The following CALB1 variants were observed in gnomAD, a reference collection of about 807,000 sequenced individuals.
The protein encoded by CALB1 is calbindin 1, also known as calbindin.
CALB1 carries 16 observed loss-of-function variants against 46.7 expected under a neutral mutation model. The ratio of observed to expected loss-of-function variants is 0.34; its 90% CI spans 0.23 to 0.52. The LOEUF (loss-of-function observed/expected upper bound fraction) is 0.52. Among genes scored for constraint, CALB1 ranks in the 20% least tolerant of loss-of-function variants. The pLI, the probability that CALB1 is intolerant of heterozygous loss-of-function variation, is 0.95. For synonymous variants in CALB1, 90 were observed against 112.8 expected (o/e 0.80, Z 1.28); for missense variants, 224 against 300.3 (o/e 0.75, Z 1.88).
chr8:90,060,458 T>A (rs1814275461), intron 10 of CALB1, among the ~76,000 whole-genome samples, 171 bp downstream of exon 10: 2 of 152,350 alleles, frequency 1.3e-5, no homozygotes, highest in South Asian at 4.1e-4. Flanking sequence ...TTAAAATCTA[T>A]TTATCACAGT....
chr8:90,082,333 C>T (rs549062593), intron 1 of CALB1: 46 of 602,494 alleles, frequency 7.6e-5, no homozygotes, highest in African/African-American at 6.3e-4. Flanking sequence ...GCCACAGAAA[C>T]TTTGGGGGGG....
In CALB1 at chr8:90,082,044, C is replaced by T. The variant is rs759627520; in HGVS notation, c.138G>A (p.Ala46=). 1 of 1,613,842 alleles carries T rather than the reference C, an allele frequency of 6.2e-7. No individual in the cohort carries two copies. Among genetic ancestry groups the T allele is most frequent in the Non-Finnish European group, 8.5e-7 (1 of 1,179,922 alleles). Residue 46 remains alanine (A), a synonymous_variant, in exon 2 of 11, where the codon GCG becomes GCA. Transcript: ENST00000265431. The part of the protein sequence containing the change: ...LQNLIQELQQ[A]RKKAGLELSP... ...AACCTACCAATCCAGCCTTCTTTCGCGCCTGCTGGAGCTCCTGGATCAAGT... is the reference window on the plus strand; with the variant it reads ...AACCTACCAATCCAGCCTTCTTTCGTGCCTGCTGGAGCTCCTGGATCAAGT...
intron 3 of CALB1, among the ~76,000 whole-genome samples, chr8:90,074,266 C>G (rs1814582248): frequency 6.6e-6 from 1 of 151,918 alleles, no homozygotes; most frequent in South Asian, 2.1e-4. Context: ...TTACAGTGTG[C>G]CAGGGTCAAT....
intron 5 of CALB1, among the ~76,000 whole-genome samples, chr8:90,067,518 G>T (rs1814423702): frequency 6.6e-6 from 1 of 152,166 alleles, no homozygotes; most frequent in Non-Finnish European, 1.5e-5. Context: ...TTGCTGAGCT[G>T]CAAGTTTGTA....
In CALB1 at chr8:90,059,531, G is replaced by A. The variant is rs979378059; in HGVS notation, c.*642C>T. 1.3e-5 allele frequency: 2 copies of A among 152,316 alleles called. No homozygotes were observed. Among genetic ancestry groups the A allele is most frequent in the African/African-American group, 4.8e-5 (2 of 41,546 alleles). The allele number at this position is 152,316 out of a possible 1,614,324, so 9.4% of individuals were successfully genotyped here. A position where few individuals can be genotyped will look rare whatever the true frequency, so the allele number is the denominator to read the frequency against. On this transcript the variant is annotated 3_prime_UTR_variant, in exon 11 of 11. Coordinates refer to ENST00000265431, the MANE Select transcript of CALB1 (RefSeq NM_004929.4). ...TGTTGGAAATACAGGCATAGAATCA[G>A]ACAGATTTATGTGTCATCTGGTGCT...
At chr8:90,078,880 A>C (rs1814668359) in intron 2 of CALB1, among the ~76,000 whole-genome samples, 1 of 151,956 alleles carries the variant, frequency 6.6e-6, no homozygotes, top group African/African-American at 2.4e-5. Flanking sequence ...ATCTATGGAG[A>C]GTAATATATG....
At chr8:90,082,233 A>T (rs1814746316) in intron 1 of CALB1, 131 bp from the exon 2 acceptor site, 3 of 763,746 alleles carry the variant, frequency 3.9e-6, no homozygotes, top group South Asian at 3.2e-5. Context: ...TTAACCAGCA[A>T]AGTGTACAGA....
chr8:90,060,808 C>T, intron 9 of CALB1, 108 bp from the exon 10 acceptor site: 2 of 914,700 alleles, frequency 2.2e-6, no homozygotes, highest in Non-Finnish European at 3.5e-6. Flanking sequence ...CAACTGCATA[C>T]TTGGCAGATA....
At position 90,059,692 on chromosome 8, in the gene CALB1, T is replaced by C. The variant is rs1482528957; in HGVS notation, c.*481A>G. The C allele has an allele frequency of 1.3e-5, 2 of 153,650 alleles. No individual in the cohort carries two copies. Among genetic ancestry groups the C allele is most frequent in the African/African-American group, 4.8e-5 (2 of 41,468 alleles). 9.5% of individuals were successfully genotyped at this position (153,650 alleles called of 1,614,324 possible). On this transcript the variant is annotated 3_prime_UTR_variant, in exon 11 of 11. Transcript: ENST00000265431. ...CCACAATTAACTATATTTTGGTGAG[T>C]ATTTTAGATGGAAAAGCACATTCCT...
chr8:90,082,755 G>T lies in CALB1; in HGVS notation c.-58C>A. The stretch of plus-strand genomic sequence containing the variant: ...TATGCGTGTGTCTGTGTCCGCGCGA[G>T]GGGGAGTGAGCAAAAGCTCAGCGTG... On this transcript the variant is annotated 5_prime_UTR_variant, in exon 1 of 11. Transcript: ENST00000265431. 6.6e-7 allele frequency: 1 copy of T among 1,518,458 alleles called. No homozygotes were observed. Among genetic ancestry groups the T allele is most frequent in the Non-Finnish European group, 9.1e-7 (1 of 1,094,056 alleles). 94.1% of individuals were successfully genotyped at this position (1,518,458 alleles called of 1,614,324 possible). A position where few individuals can be genotyped will look rare whatever the true frequency, so the allele number is the denominator to read the frequency against.
At chr8:90,071,820 A>G (rs1413324834) in intron 3 of CALB1, among the ~76,000 whole-genome samples, 1 of 152,194 alleles carries the variant, frequency 6.6e-6, no homozygotes. Context: ...AGCTAACCCC[A>G]ACTCGTCCTT....
chr8:90,060,536 G>T, intron 10 of CALB1, 93 bp downstream of exon 10: 9 of 1,005,618 alleles, frequency 8.9e-6, no homozygotes, highest in Non-Finnish European at 1.2e-5. Flanking sequence ...TCTATAAATT[G>T]TTAAAGTAGA....
chr8:90,062,826 A>G, intron 9 of CALB1: 1 of 303,888 alleles, frequency 3.3e-6, no homozygotes, highest in Non-Finnish European at 6.1e-6. Flanking sequence ...GCACAAGACA[A>G]ATTCTGCATG....
At chr8:90,081,160 G>A (rs184766556) in intron 2 of CALB1, among the ~76,000 whole-genome samples, 1 of 152,088 alleles carries the variant, frequency 6.6e-6, no homozygotes, top group Non-Finnish European at 1.5e-5. Flanking sequence ...ATGCCCAAAG[G>A]GAGTCATTTA....
chr8:90,073,823 T>C (rs1228457332), intron 3 of CALB1, among the ~76,000 whole-genome samples: 3 of 152,124 alleles, frequency 2.0e-5, no homozygotes, highest in African/African-American at 4.8e-5. Flanking sequence ...TCAAACAACT[T>C]TTCCCCTGAC....
chr8:90,081,909 A>G lies in CALB1; in HGVS notation c.156+117T>C, dbSNP rs1306232493. 4 of 810,552 alleles carry G rather than the reference A, an allele frequency of 4.9e-6. No homozygotes were observed. In the Admixed American group the frequency reaches 7.0e-5, roughly 14 times the overall value. The allele number at this position is 810,552 out of a possible 1,614,324, so 50.2% of individuals were successfully genotyped here. A position where few individuals can be genotyped will look rare whatever the true frequency, so the allele number is the denominator to read the frequency against. ...TGTTTTTTCTTGCCTTTCGCAGTCAATAAACGTTTACATTACCCAGAAAGC... is the reference window on the plus strand; with the variant it reads ...TGTTTTTTCTTGCCTTTCGCAGTCAGTAAACGTTTACATTACCCAGAAAGC... On this transcript the variant is annotated intron_variant, in intron 2 of 10. Transcript: ENST00000265431.
At chr8:90,082,181 C>T (rs1814745256) in intron 1 of CALB1, 79 bp from the exon 2 acceptor site, 2 of 1,288,512 alleles carry the variant, frequency 1.6e-6, no homozygotes, top group Non-Finnish European at 1.1e-6. Context: ...AGACAGTTAT[C>T]TTTCTGGCGA....
At chr8:90,074,582 C>T (rs1434219831) in intron 3 of CALB1, among the ~76,000 whole-genome samples, 1 of 152,086 alleles carries the variant, frequency 6.6e-6, no homozygotes, top group Admixed American at 6.6e-5. Context: ...CAGTCATTTC[C>T]CAAAATTCTG....
At chr8:90,080,057 T>C (rs1814700544) in intron 2 of CALB1, among the ~76,000 whole-genome samples, 1 of 151,954 alleles carries the variant, frequency 6.6e-6, no homozygotes, top group Non-Finnish European at 1.5e-5. Context: ...TTGATTTAGA[T>C]TTTAACTACC....
Sources: gnomAD v4.1 joint callset for allele counts (sites outside exome capture counted in the v4.1 genomes callset) on GRCh38, gnomAD v4.1.1 for gene constraint, MANE v1.5 for transcripts, NCBI Gene and HGNC (gene_info 2026-07-23, HGNC 2026-07-21) for gene names.